The following ERI1 variants were observed in gnomAD, a reference collection of about 807,000 sequenced individuals.
ERI1 encodes the protein exoribonuclease 1.
In ERI1, 39 loss-of-function variants were observed where a neutral mutation model predicts 39.7. That is an observed-to-expected ratio of 0.98 (90% confidence interval 0.76 to 1.28). ERI1 has a LOEUF of 1.28. Among genes scored for constraint, ERI1 ranks in the 50% most tolerant of loss-of-function variants. The pLI is 0.00. For missense variants in ERI1, 581 were observed against 416.9 expected, an observed-to-expected ratio of 1.39 and a Z score of -3.43; for synonymous variants, 204 against 149.6, an observed-to-expected ratio of 1.36 and a Z score of -2.65.
chr8:9,041,155 GTGTC>G (rs1798006082), intron 3 of ERI1, among the ~76,000 whole-genome samples: 1 of 152,224 alleles, frequency 6.6e-6, no homozygotes, highest in East Asian at 1.9e-4. Context: ...TTCATTCTGT[GTGTC>G]TGGTGAGAAA....
downstream of ERI1, among the ~76,000 whole-genome samples, chr8:9,036,319 T>C (rs1266831762): frequency 6.6e-6 from 1 of 152,194 alleles, no homozygotes; most frequent in Non-Finnish European, 1.5e-5. Flanking sequence ...CATTGTTGTC[T>C]CATTTTGAGA....
chr8:9,034,267 G>A (rs920947578), downstream of ERI1, among the ~76,000 whole-genome samples: 14 of 152,340 alleles, frequency 9.2e-5, no homozygotes, highest in African/African-American at 3.4e-4. Flanking sequence ...TTTGTTTTAG[G>A]ATGAATACTG....
chr8:9,068,272 G>C (rs1035602940), intron 3 of ERI1, among the ~76,000 whole-genome samples: 1 of 152,172 alleles, frequency 6.6e-6, no homozygotes, highest in Non-Finnish European at 1.5e-5. Flanking sequence ...CACCTCATGT[G>C]GCTCTCCTGC....
intron 3 of ERI1, chr8:9,062,743 G>A (rs2117402369): frequency 6.6e-6 from 1 of 151,700 alleles, no homozygotes; most frequent in Admixed American, 6.6e-5. Context: ...CAGTCAGAGA[G>A]CCTTGGGCCA....
intron 3 of ERI1, among the ~76,000 whole-genome samples, chr8:9,058,326 A>G (rs1345215996): frequency 6.6e-6 from 1 of 152,178 alleles, no homozygotes; most frequent in African/African-American, 2.4e-5. Context: ...GTAGGTTGCT[A>G]TGTGCCCCAT....
At chr8:9,065,791 TA>T (rs1467024838) in intron 3 of ERI1, among the ~76,000 whole-genome samples, 1 of 151,856 alleles carries the variant, frequency 6.6e-6, no homozygotes, top group African/African-American at 2.4e-5. Context: ...TAAAATTACT[TA>T]AAAAAATAAA....
At chr8:9,083,528 A>G (rs1402141220) in intron 3 of ERI1, among the ~76,000 whole-genome samples, 1 of 152,144 alleles carries the variant, frequency 6.6e-6, no homozygotes, top group Non-Finnish European at 1.5e-5. Context: ...TGTACTCAGT[A>G]TCCAGCCTTA....
intron 6 of ERI1, among the ~76,000 whole-genome samples, chr8:9,024,721 A>G (rs1230341400): frequency 6.6e-6 from 1 of 152,184 alleles, no homozygotes; most frequent in Admixed American, 6.5e-5. Flanking sequence ...CACCAGGCCC[A>G]GCCTCTTTAT....
intron 3 of ERI1, among the ~76,000 whole-genome samples, chr8:9,076,654 G>C (rs1231287561): frequency 2.6e-5 from 4 of 152,200 alleles, no homozygotes; most frequent in Non-Finnish European, 5.9e-5. Context: ...CTTTCTGTGG[G>C]AGAAACTACA....
At chr8:9,060,137 C>T (rs934670985) in intron 3 of ERI1, among the ~76,000 whole-genome samples, 6 of 151,998 alleles carry the variant, frequency 3.9e-5, no homozygotes, top group African/African-American at 9.7e-5. Context: ...GTAAGGGGTA[C>T]GAAGTTTCCA....
chr8:9,099,492 G>A (rs1585310611), intron 3 of ERI1, among the ~76,000 whole-genome samples: 1 of 151,700 alleles, frequency 6.6e-6, no homozygotes, highest in East Asian at 1.9e-4. Context: ...CTACTCAGGA[G>A]ACTGAGTTGG....
At chr8:9,025,920 A>G (rs553781370) in intron 6 of ERI1, among the ~76,000 whole-genome samples, 1 of 152,150 alleles carries the variant, frequency 6.6e-6, no homozygotes, top group African/African-American at 2.4e-5. Flanking sequence ...ACAGAGCCTG[A>G]AGTTAAGTTT....
chr8:9,023,578 G>C (rs1818149108), intron 6 of ERI1, among the ~76,000 whole-genome samples: 1 of 151,840 alleles, frequency 6.6e-6, no homozygotes, highest in African/African-American at 2.4e-5. Context: ...CAGTTTGTTA[G>C]CCTGCTCTTT....
At chr8:9,070,203 C>T (rs1013984023) in intron 3 of ERI1, among the ~76,000 whole-genome samples, 2 of 151,372 alleles carry the variant, frequency 1.3e-5, no homozygotes, top group African/African-American at 2.4e-5. Flanking sequence ...TGCACCACTG[C>T]ACTCCAACCT....
intron 6 of ERI1, among the ~76,000 whole-genome samples, chr8:9,023,154 C>A (rs1419479619): frequency 6.6e-6 from 1 of 151,994 alleles, no homozygotes; most frequent in African/African-American, 2.4e-5. Context: ...GTTAATACAT[C>A]TCTTTAGTTT....
At chr8:9,021,260 T>C (rs1817861411) in intron 6 of ERI1, among the ~76,000 whole-genome samples, 1 of 152,210 alleles carries the variant, frequency 6.6e-6, no homozygotes, top group African/African-American at 2.4e-5. Context: ...AACACTCAGG[T>C]AGTCTGTCAG....
intron 3 of ERI1, among the ~76,000 whole-genome samples, chr8:9,062,291 GC>G (rs1199571791): frequency 1.3e-5 from 2 of 151,984 alleles, no homozygotes; most frequent in African/African-American, 4.8e-5. Context: ...GGGTTAAGGT[GC>G]GGGGATACGA....
chr8:9,011,794 C>G (rs781770905), intron 3 of ERI1, 42 bp downstream of exon 3: 7 of 1,466,100 alleles, frequency 4.8e-6, no homozygotes, highest in African/African-American at 4.2e-5. Context: ...CTAGCAGCAA[C>G]TATTCTGGTG....
intron 3 of ERI1, among the ~76,000 whole-genome samples, chr8:9,070,290 A>G (rs1301320732): frequency 6.6e-6 from 1 of 152,022 alleles, no homozygotes; most frequent in African/African-American, 2.4e-5. Context: ...AAAAAATAAC[A>G]AAAATAAAAA....
Sources: allele counts gnomAD v4.1 joint callset (sites outside exome capture counted in the v4.1 genomes callset), GRCh38; gene constraint gnomAD v4.1.1; transcripts MANE v1.5; gene names NCBI Gene and HGNC (gene_info 2026-07-23, HGNC 2026-07-21).